Variants in MRTFB observed in about 807,000 individuals in gnomAD.
The protein encoded by MRTFB is myocardin related transcription factor B, also known as myocardin-related transcription factor B.
In MRTFB, 29 loss-of-function variants were observed where a neutral mutation model predicts 104.2. That is an observed-to-expected ratio of 0.28 (90% CI 0.21 to 0.38). The LOEUF (loss-of-function observed/expected upper bound fraction) is 0.38. MRTFB is among the 10% of genes least tolerant of loss of function. The pLI is 1.00. For synonymous variants in MRTFB, 535 were observed against 519.5 expected (o/e 1.03, Z -0.41); for missense variants, 1,270 against 1,341.6 (o/e 0.95, Z 0.83).
At chr16:14,225,061 C>CT (rs1282033968) in intron 8 of MRTFB, among the ~76,000 whole-genome samples, 1 of 152,120 alleles carries the variant, frequency 6.6e-6, no homozygotes, top group Non-Finnish European at 1.5e-5. Flanking sequence ...TGGCGCGTGC[C>CT]TGTAATCCCA....
chr16:14,085,894 T>C (rs2141915703), intron 2 of MRTFB, among the ~76,000 whole-genome samples: 1 of 152,356 alleles, frequency 6.6e-6, no homozygotes, highest in South Asian at 2.1e-4. Flanking sequence ...CCATTTATTT[T>C]CCAACTCTGC....
At chr16:14,190,990 A>G (rs116887672) in intron 3 of MRTFB, among the ~76,000 whole-genome samples, 24 of 152,370 alleles carry the variant, frequency 1.6e-4, no homozygotes, top group East Asian at 1.5e-3. Flanking sequence ...GGATGTGTCT[A>G]TAGTAGCTTT....
intron 1 of MRTFB, among the ~76,000 whole-genome samples, chr16:14,076,099 T>C (rs1183518873): frequency 6.6e-6 from 1 of 151,868 alleles, no homozygotes; most frequent in East Asian, 1.9e-4. Context: ...ATATAAAATA[T>C]ACATACTATG....
At chr16:14,173,009 T>TG (rs1412648513) in intron 3 of MRTFB, among the ~76,000 whole-genome samples, 2 of 152,216 alleles carry the variant, frequency 1.3e-5, no homozygotes, top group Admixed American at 1.3e-4. Context: ...CTTTTCCCTA[T>TG]GTCCAGGTCA....
At chr16:14,241,058 A>T in intron 10 of MRTFB, 1 of 458,072 alleles carries the variant, frequency 2.2e-6, no homozygotes. Context: ...GAAGACAAAA[A>T]TCGAGTACAG....
chr16:14,048,036 G>T, the MRTFB span, among the ~76,000 whole-genome samples: 1 of 152,200 alleles, frequency 6.6e-6, no homozygotes, highest in Non-Finnish European at 1.5e-5. Context: ...TTACTGCCTA[G>T]ATACAATGGG....
chr16:14,041,732 G>T, the MRTFB span, among the ~76,000 whole-genome samples: 1 of 151,828 alleles, frequency 6.6e-6, no homozygotes, highest in East Asian at 1.9e-4. Flanking sequence ...TTTGAGACTA[G>T]CCTGGCCAAC....
At chr16:14,044,130 C>A in the MRTFB span, among the ~76,000 whole-genome samples, 4 of 152,136 alleles carry the variant, frequency 2.6e-5, no homozygotes, top group African/African-American at 9.7e-5. Flanking sequence ...TAGTAAAGGC[C>A]TTGTCATTCA....
intron 3 of MRTFB, among the ~76,000 whole-genome samples, chr16:14,189,184 GA>G (rs971001660): frequency 2.0e-5 from 3 of 152,078 alleles, no homozygotes; most frequent in Non-Finnish European, 4.4e-5. Flanking sequence ...AATTAGAATG[GA>G]AAAAATAAAA....
chr16:14,014,406 G>A, the MRTFB span, among the ~76,000 whole-genome samples: 25,080 of 151,992 alleles, frequency 0.17, 3,173 homozygotes, highest in African/African-American at 0.36. Context: ...AATAGTAATA[G>A]TTAGCTGGGC....
At chr16:14,202,709 T>C (rs2040762443) in intron 3 of MRTFB, among the ~76,000 whole-genome samples, 1 of 152,222 alleles carries the variant, frequency 6.6e-6, no homozygotes, top group Non-Finnish European at 1.5e-5. Flanking sequence ...GAAAAGTAGT[T>C]CATCAGTCTT....
intron 3 of MRTFB, chr16:14,144,171 T>C (rs944502293): frequency 6.6e-6 from 1 of 152,220 alleles, no homozygotes; most frequent in Non-Finnish European, 1.5e-5. Context: ...TGTGTTTTCT[T>C]CAAGAGTCCT....
chr16:14,048,924 A>G, the MRTFB span, among the ~76,000 whole-genome samples: 6 of 152,238 alleles, frequency 3.9e-5, no homozygotes, highest in African/African-American at 4.8e-5. Context: ...TGAACTGGAC[A>G]GAGGCTCTAC....
chr16:14,186,968 T>G (rs754805058), intron 3 of MRTFB: 1 of 1,598,122 alleles, frequency 6.3e-7, no homozygotes, highest in East Asian at 2.2e-5. Context: ...TTTTAACTGC[T>G]GGGGATTTTG....
intron 9 of MRTFB, among the ~76,000 whole-genome samples, chr16:14,237,362 A>C (rs2042565371): frequency 6.6e-6 from 1 of 152,146 alleles, no homozygotes; most frequent in South Asian, 2.1e-4. Context: ...ACGATGTTTC[A>C]AGAAGAAGGG....
At chr16:14,220,305 T>C (rs2041633123) in intron 8 of MRTFB, among the ~76,000 whole-genome samples, 1 of 152,216 alleles carries the variant, frequency 6.6e-6, no homozygotes, top group Admixed American at 6.5e-5. Flanking sequence ...CAGTTACACT[T>C]ATCCATTTGG....
At chr16:14,059,855 C>A in the MRTFB span, among the ~76,000 whole-genome samples, 1 of 152,024 alleles carries the variant, frequency 6.6e-6, no homozygotes, top group Non-Finnish European at 1.5e-5. Flanking sequence ...CTTGTGCAAA[C>A]CAGTGGGGCC....
At chr16:14,014,676 A>G in the MRTFB span, among the ~76,000 whole-genome samples, 1 of 152,028 alleles carries the variant, frequency 6.6e-6, no homozygotes, top group African/African-American at 2.4e-5. Context: ...CAACATGGTG[A>G]AACCCCGTCT....
At chr16:14,229,343 A>AGCTC (rs972963195) in intron 8 of MRTFB, among the ~76,000 whole-genome samples, 4 of 17,018 alleles carry the variant, frequency 2.4e-4, no homozygotes, top group African/African-American at 8.4e-4. Flanking sequence ...TGTTTTATTC[A>AGCTC]ACTCATTTTT....
Sources: allele counts gnomAD v4.1 joint callset (sites outside exome capture counted in the v4.1 genomes callset), GRCh38; gene constraint gnomAD v4.1.1; transcripts MANE v1.5; gene names NCBI Gene and HGNC (gene_info 2026-07-23, HGNC 2026-07-21).